The following BCAS3 variants were observed in gnomAD, a reference collection of about 807,000 sequenced individuals.
BCAS3 encodes BCAS3 microtubule associated cell migration factor.
BCAS3 carries 53 observed loss-of-function variants against 116.1 expected under a neutral mutation model. The ratio of observed to expected loss-of-function variants is 0.46; its 90% CI spans 0.37 to 0.57. The LOEUF is 0.57. Among genes scored for constraint, BCAS3 ranks in the 20% least tolerant of loss-of-function variants. The probability of loss-of-function intolerance (pLI) is 0.00; values close to 1 mark genes in which losing one functional copy is unlikely to be tolerated. For missense variants in BCAS3, 917 were observed against 1,165.4 expected, an observed-to-expected ratio of 0.79 and a Z score of 3.10; for synonymous variants, 391 against 408.2, an observed-to-expected ratio of 0.96 and a Z score of 0.51.
At chr17:60,939,133 TA>T (rs2060096568) in intron 13 of BCAS3, among the ~76,000 whole-genome samples, 1 of 152,100 alleles carries the variant, frequency 6.6e-6, no homozygotes, top group African/African-American at 2.4e-5. Flanking sequence ...GTTACAATAT[TA>T]AAAAACTAGA....
At chr17:60,911,124 T>TC (rs1491570505) in intron 12 of BCAS3, among the ~76,000 whole-genome samples, 320 of 14,160 alleles carry the variant, frequency 0.023, 5 homozygotes, top group Middle Eastern at 0.059. Flanking sequence ...TTTTTCTTTC[T>TC]TTTTTTTTTT....
At chr17:61,318,888 G>A (rs1219291284) in intron 22 of BCAS3, among the ~76,000 whole-genome samples, 4 of 152,312 alleles carry the variant, frequency 2.6e-5, no homozygotes, top group East Asian at 3.9e-4. Context: ...TGTGCTAGCT[G>A]ACCACCTCAG....
At chr17:61,238,172 C>T (rs2083210776) in intron 22 of BCAS3, among the ~76,000 whole-genome samples, 1 of 152,030 alleles carries the variant, frequency 6.6e-6, no homozygotes, top group South Asian at 2.1e-4. Flanking sequence ...CCTACCTCAG[C>T]CTCCTGAGTA....
intron 10 of BCAS3, among the ~76,000 whole-genome samples, chr17:60,900,468 C>G (rs1393589600): frequency 6.6e-6 from 1 of 152,160 alleles, no homozygotes; most frequent in Admixed American, 6.5e-5. Flanking sequence ...AGCTCCCAGC[C>G]TATCCTAGCC....
intron 22 of BCAS3, among the ~76,000 whole-genome samples, chr17:61,263,455 C>T (rs1296130625): frequency 1.3e-5 from 2 of 152,228 alleles, no homozygotes; most frequent in Non-Finnish European, 2.9e-5. Flanking sequence ...CATTGACTCT[C>T]ATTAGCTGAA....
intron 4 of BCAS3, among the ~76,000 whole-genome samples, chr17:60,691,604 T>A (rs946614794): frequency 1.3e-5 from 2 of 152,200 alleles, no homozygotes; most frequent in Non-Finnish European, 2.9e-5. Context: ...TTTATTTAGT[T>A]TTAGGAGTTT....
At chr17:60,938,680 A>G (rs1389822453) in intron 13 of BCAS3, among the ~76,000 whole-genome samples, 1 of 152,126 alleles carries the variant, frequency 6.6e-6, no homozygotes, top group Non-Finnish European at 1.5e-5. Context: ...GTGAAAAGCC[A>G]TGCCACAGAC....
intron 6 of BCAS3, among the ~76,000 whole-genome samples, chr17:60,780,289 A>ATT (rs76897536): frequency 1.1e-4 from 14 of 127,326 alleles, no homozygotes; most frequent in African/African-American, 3.7e-4. Context: ...TGCCCTGCCT[A>ATT]TTTTTTTTTT....
chr17:60,760,497 G>T (rs113175371), intron 6 of BCAS3, among the ~76,000 whole-genome samples: 37 of 127,444 alleles, frequency 2.9e-4, no homozygotes, highest in East Asian at 4.3e-4. Context: ...AGGTTTTTTT[G>T]TTTTTTTTTT....
At chr17:60,737,321 T>G (rs1211571004) in intron 5 of BCAS3, among the ~76,000 whole-genome samples, 1 of 152,212 alleles carries the variant, frequency 6.6e-6, no homozygotes, top group Non-Finnish European at 1.5e-5. Context: ...CTTAATTTTA[T>G]TCATCATTTC....
rs1241312238 is a variant in BCAS3 at position 61,020,709 on chromosome 17, G to C, written c.1637+4808G>C. 1.6e-4 allele frequency among the ~76,000 whole-genome samples: 25 copies of C among 152,112 alleles called. No homozygotes were observed. On this transcript the variant is annotated intron_variant, in intron 16 of 23. Transcript: ENST00000407086. The surrounding 1 kb of genome is among the most constrained non-coding windows in gnomAD (Gnocchi z 4.5). The stretch of plus-strand genomic sequence containing the variant: ...TCATAGATGTTTGGCATTATCAAGT[G>C]AGTGATCAAGTTTTAAAAAATATTT...
chr17:61,046,059 A>T (rs866939597), intron 19 of BCAS3, among the ~76,000 whole-genome samples: 3 of 21,712 alleles, frequency 1.4e-4, no homozygotes, highest in South Asian at 1.2e-3. Flanking sequence ...TATATATATT[A>T]TATATATATA....
Position 60,687,592 on chromosome 17 carries a change from A to G in BCAS3, c.139-2094A>G, listed in dbSNP as rs371917733. Among the ~76,000 whole-genome samples the G allele has an allele frequency of 4.6e-5, 7 of 152,204 alleles. No individual in the cohort carries two copies. In the East Asian group the frequency reaches 1.2e-3, roughly 25 times the overall value. ...GCACTCCAGCCGGGGTGACAGAACC[A>G]GACCCTGTCTCGAGAAATACAAAAA... On this transcript the variant is annotated intron_variant, in intron 3 of 23. Coordinates refer to ENST00000407086, the MANE Select transcript of BCAS3 (RefSeq NM_017679.5).
At position 61,302,966 on chromosome 17, in the gene BCAS3, A is replaced by T. The variant is rs1482360094; in HGVS notation, c.2426-65361A>T. Among the ~76,000 whole-genome samples the T allele has an allele frequency of 6.6e-6, 1 of 152,152 alleles. No homozygotes were observed. Among genetic ancestry groups the T allele is most frequent in the Non-Finnish European group, 1.5e-5 (1 of 68,032 alleles). ...ATCTGACCATCCATGGCTCTAGGAT[A>T]TTCAAAGCAAAAGATAGTTGAGGCA... On this transcript the variant is annotated intron_variant, in intron 22 of 23. Transcript: ENST00000407086. The surrounding 1 kb of genome is among the most constrained non-coding windows in gnomAD (Gnocchi z 4.4).
chr17:61,246,970 G>A (rs1032082595), intron 22 of BCAS3, among the ~76,000 whole-genome samples: 3 of 152,160 alleles, frequency 2.0e-5, no homozygotes, highest in East Asian at 1.9e-4. Flanking sequence ...CTTTAGTACC[G>A]AAATTAACTT....
At chr17:60,681,583 G>A (rs866447959) in intron 2 of BCAS3, among the ~76,000 whole-genome samples, 95 of 148,378 alleles carry the variant, frequency 6.4e-4, no homozygotes, top group African/African-American at 2.2e-3. Flanking sequence ...ATGCAGTCTC[G>A]CTCCATTGCC....
chr17:60,702,448 C>T (rs944818001), intron 4 of BCAS3, among the ~76,000 whole-genome samples: 8 of 152,136 alleles, frequency 5.3e-5, no homozygotes, highest in African/African-American at 1.9e-4. Flanking sequence ...GGAGATTCTC[C>T]CAAGAATCAG....
In BCAS3 at chr17:61,104,176, G is replaced by A. The variant is rs2074498026; in HGVS notation, c.2425+19612G>A. On this transcript the variant is annotated intron_variant, in intron 22 of 23. Transcript: ENST00000407086. The surrounding 1 kb of genome is among the most constrained non-coding windows in gnomAD (Gnocchi z 4.1). Reference sequence around the variant, plus strand: ...TTTTGTCTTTTCTGTAAAAATTCCAGGAGTTGGGTGGGCTTGATGTCCTCT... The same window carrying A: ...TTTTGTCTTTTCTGTAAAAATTCCAAGAGTTGGGTGGGCTTGATGTCCTCT... Among the ~76,000 whole-genome samples the A allele has an allele frequency of 6.6e-6, 1 of 152,096 alleles. No homozygotes were observed. Among genetic ancestry groups the A allele is most frequent in the Non-Finnish European group, 1.5e-5 (1 of 68,026 alleles).
intron 5 of BCAS3, among the ~76,000 whole-genome samples, chr17:60,724,130 A>G (rs1427490451): frequency 6.6e-6 from 1 of 151,556 alleles, no homozygotes; most frequent in Non-Finnish European, 1.5e-5. Context: ...AGGACATGCA[A>G]ATATTCTTCT....
Sources: gnomAD v4.1 joint callset for allele counts (sites outside exome capture counted in the v4.1 genomes callset) on GRCh38, gnomAD v4.1.1 for gene constraint, Gnocchi (gnomAD v3.1) non-coding constraint, MANE v1.5 for transcripts, NCBI Gene and HGNC (gene_info 2026-07-23, HGNC 2026-07-21) for gene names.